Variants in SP140 observed in about 807,000 individuals in gnomAD.
SP140 encodes nuclear body protein SP140.
In SP140, 81 loss-of-function variants were observed where a neutral mutation model predicts 125.0. That is an observed-to-expected ratio of 0.65 (90% CI 0.54 to 0.78). The LOEUF is 0.78. SP140 is among the 30% of genes least tolerant of loss of function. SP140 has a pLI of 0.00. For missense variants in SP140, 858 were observed against 1,037.0 expected, an observed-to-expected ratio of 0.83 and a Z score of 2.37; for synonymous variants, 312 against 354.0, an observed-to-expected ratio of 0.88 and a Z score of 1.33.
chr2:230,229,861 C>G (rs2047000714), intron 1 of SP140, among the ~76,000 whole-genome samples: 1 of 151,732 alleles, frequency 6.6e-6, no homozygotes, highest in South Asian at 2.1e-4. Flanking sequence ...TTTCTTTCCA[C>G]TTTCTTTGCT....
chr2:230,234,277 C>T (rs949155659), intron 1 of SP140, among the ~76,000 whole-genome samples: 1 of 152,184 alleles, frequency 6.6e-6, no homozygotes, highest in Non-Finnish European at 1.5e-5. Flanking sequence ...TCTGAAATGA[C>T]AGTCACTGTG....
intron 6 of SP140, 114 bp from the exon 7 acceptor site, chr2:230,245,749 A>G: frequency 3.0e-6 from 2 of 672,808 alleles, no homozygotes; most frequent in Non-Finnish European, 5.3e-6. Context: ...TGGTGCAAAG[A>G]TACCTTTATT....
chr2:230,243,893 T>C, intron 5 of SP140, 82 bp downstream of exon 5: 1 of 927,660 alleles, frequency 1.1e-6, no homozygotes, highest in South Asian at 1.3e-5. Flanking sequence ...TAATGCATTT[T>C]ACTCTGAGTA....
chr2:230,260,663 C>T (rs1287077592), intron 12 of SP140, among the ~76,000 whole-genome samples: 1 of 152,198 alleles, frequency 6.6e-6, no homozygotes, highest in African/African-American at 2.4e-5. Context: ...CTACATGTGG[C>T]TTGCCAATTA....
chr2:230,301,787 A>G (rs148977310), intron 22 of SP140, among the ~76,000 whole-genome samples: 53 of 152,320 alleles, frequency 3.5e-4, no homozygotes, highest in African/African-American at 1.2e-3. Context: ...TCACATCTCA[A>G]TACTAATGTT....
chr2:230,273,822 T>A (rs1394399079), intron 15 of SP140, among the ~76,000 whole-genome samples: 2 of 152,128 alleles, frequency 1.3e-5, no homozygotes, highest in Non-Finnish European at 2.9e-5. Context: ...CTGGAGAGTA[T>A]TATCCTTAGC....
intron 15 of SP140, among the ~76,000 whole-genome samples, chr2:230,279,996 T>C (rs906049686): frequency 7.2e-5 from 11 of 152,092 alleles, no homozygotes; most frequent in Admixed American, 6.6e-4. Context: ...TTGAGAATAA[T>C]GTACATTTGA....
chr2:230,306,453 A>G (rs999470056), intron 22 of SP140, among the ~76,000 whole-genome samples: 1 of 152,208 alleles, frequency 6.6e-6, no homozygotes, highest in African/African-American at 2.4e-5. Context: ...GCCTCTCCCA[A>G]ATTGGCAGGG....
At chr2:230,294,747 G>A (rs1179754642) in intron 21 of SP140, among the ~76,000 whole-genome samples, 1 of 152,162 alleles carries the variant, frequency 6.6e-6, no homozygotes, top group Non-Finnish European at 1.5e-5. Flanking sequence ...AAATAGGATG[G>A]AGCAGATATT....
At position 230,237,038 on chromosome 2, in the gene SP140, T is replaced by C; in HGVS notation, c.60-45T>C. ...AAATCTTCTAACCACCACAAACCTC[T>C]TGGAAACTCAGTGTCTACTTCCACG... On this transcript the variant is annotated intron_variant, in intron 1 of 26. Coordinates refer to ENST00000392045, the MANE Select transcript of SP140 (RefSeq NM_007237.5). The surrounding 1 kb of genome is among the most constrained non-coding windows in gnomAD (Gnocchi z 5.4). 6 of 1,486,114 alleles carry C rather than the reference T, an allele frequency of 4.0e-6. No homozygotes were observed. Among genetic ancestry groups the C allele is most frequent in the Non-Finnish European group, 5.4e-6 (6 of 1,111,998 alleles). The allele number at this position is 1,486,114 out of a possible 1,614,324, so 92.1% of individuals were successfully genotyped here.
rs138407497 is a variant in SP140 at position 230,291,365 on chromosome 2, C to G, written c.1825+801C>G. The stretch of plus-strand genomic sequence containing the variant: ...TATAGTCACAGAATTGTACAGCCAT[C>G]ATTATCCTCTAATTTTGGAACAATT... On this transcript the variant is annotated intron_variant, in intron 19 of 26. Transcript: ENST00000392045. Among the ~76,000 whole-genome samples the G allele has an allele frequency of 1.1e-3, 174 of 152,312 alleles. No homozygotes were observed. In the Middle Eastern group the frequency reaches 0.027, roughly 24 times the overall value.
At position 230,237,138 on chromosome 2, in the gene SP140, C is replaced by A; in HGVS notation, c.115C>A (p.Pro39Thr). ...EGQNLQEQVC[P>T]EPIFRFFREN... ...TCAGAACCTGCAGGAGCAGGTTTGC[C>A]CTGAGCCCATTTTCAGGTTCTTCAG... The change falls in exon 2 of 27, where the codon CCT (proline) becomes ACT (threonine). Residue 39 changes from proline to threonine, a missense_variant. By Grantham distance (38) the Pro-to-Thr change is conservative. Coordinates refer to ENST00000392045, the MANE Select transcript of SP140 (RefSeq NM_007237.5). The surrounding 1 kb of genome is among the most constrained non-coding windows in gnomAD (Gnocchi z 5.4). 6.2e-7 allele frequency: 1 copy of A among 1,613,198 alleles called. No individual in the cohort carries two copies. The highest frequency in any genetic ancestry group is 1.1e-5 in the South Asian group (1 of 90,912).
chr2:230,307,955 G>GTGTA (rs1365576659), intron 22 of SP140, among the ~76,000 whole-genome samples: 2 of 48,408 alleles, frequency 4.1e-5, no homozygotes, highest in African/African-American at 5.8e-5. Flanking sequence ...GGACATGCAT[G>GTGTA]TATATATATA....
downstream of SP140, among the ~76,000 whole-genome samples, chr2:230,315,189 C>G (rs1295832357): frequency 1.3e-5 from 2 of 152,170 alleles, no homozygotes; most frequent in African/African-American, 4.8e-5. Flanking sequence ...TGCCCAGCTT[C>G]CAAACCTCAG....
chr2:230,249,030 A>C, intron 9 of SP140, 62 bp downstream of exon 9: 1 of 1,375,166 alleles, frequency 7.3e-7, no homozygotes. Context: ...TGGCATGGAA[A>C]AAAAGTTTCC....
intron 1 of SP140, among the ~76,000 whole-genome samples, chr2:230,233,374 G>A (rs1017285089): frequency 2.6e-5 from 4 of 151,898 alleles, no homozygotes; most frequent in East Asian, 3.8e-4. Flanking sequence ...GTGACAGAGC[G>A]AGATTCCGTC....
intron 1 of SP140, among the ~76,000 whole-genome samples, chr2:230,226,618 T>G (rs1203352714): frequency 6.6e-6 from 1 of 152,018 alleles, no homozygotes; most frequent in Non-Finnish European, 1.5e-5. Context: ...CAAAATTAGC[T>G]GGGTGTCATG....
intron 26 of SP140, 149 bp from the exon 27 acceptor site, chr2:230,312,437 A>G: frequency 1.8e-6 from 1 of 543,244 alleles, no homozygotes; most frequent in Non-Finnish European, 3.3e-6. Flanking sequence ...TCACAACATT[A>G]CTTTGTACTC....
chr2:230,297,824 C>T (rs2057899116), intron 22 of SP140, among the ~76,000 whole-genome samples: 1 of 152,126 alleles, frequency 6.6e-6, no homozygotes, highest in African/African-American at 2.4e-5. Flanking sequence ...AGGATAACAG[C>T]ATTTTCAAGT....
Sources: gnomAD v4.1 joint callset for allele counts (sites outside exome capture counted in the v4.1 genomes callset) on GRCh38, gnomAD v4.1.1 for gene constraint, Gnocchi (gnomAD v3.1) non-coding constraint, MANE v1.5 for transcripts, NCBI Gene and HGNC (gene_info 2026-07-23, HGNC 2026-07-21) for gene names.